Variants in DEK observed in about 807,000 individuals in gnomAD.
The protein encoded by DEK is protein DEK.
In DEK, 28 loss-of-function variants were observed where a neutral mutation model predicts 46.8. The observed-to-expected ratio is 0.60, with a 90% confidence interval of 0.44 to 0.82. DEK has a LOEUF of 0.82. DEK is among the 40% of genes least tolerant of loss of function. The pLI is 0.00. For missense variants in DEK, 416 were observed against 430.6 expected (o/e 0.97, Z 0.30); for synonymous variants, 160 against 144.5 (o/e 1.11, Z -0.77).
intron 9 of DEK, among the ~76,000 whole-genome samples, chr6:18,230,590 A>G (rs565538572): frequency 1.6e-3 from 248 of 152,324 alleles, no homozygotes; most frequent in Middle Eastern, 6.8e-3. Context: ...AGTCTCTGAT[A>G]AAACAGACTT....
intron 7 of DEK, among the ~76,000 whole-genome samples, chr6:18,241,588 G>GC (rs1790897054): frequency 6.6e-6 from 1 of 152,084 alleles, no homozygotes; most frequent in Admixed American, 6.5e-5. Context: ...TGATTCCTGA[G>GC]CACCTGTATA....
chr6:18,237,629 G>T, intron 7 of DEK, 113 bp from the exon 8 acceptor site: 1 of 1,328,030 alleles, frequency 7.5e-7, no homozygotes, highest in East Asian at 2.6e-5. Flanking sequence ...CAATATATTT[G>T]GTATCAGCAA....
chr6:18,250,423 C>T (rs1017962876), intron 6 of DEK, among the ~76,000 whole-genome samples: 17 of 152,056 alleles, frequency 1.1e-4, no homozygotes, highest in Admixed American at 5.9e-4. Context: ...GAGCCGAGAT[C>T]GCGCCACTGC....
chr6:18,227,499 C>T (rs1181343386), intron 9 of DEK, among the ~76,000 whole-genome samples: 1 of 152,164 alleles, frequency 6.6e-6, no homozygotes, highest in Non-Finnish European at 1.5e-5. Flanking sequence ...GCCACATCCC[C>T]CTCTCCGAGA....
chr6:18,226,227 G>C lies in DEK; in HGVS notation c.1063C>G (p.Pro355Ala). ...QICKKVYENYPTYDLTERKDF... is the reference protein window; with the variant it reads ...QICKKVYENYATYDLTERKDF... ...TTTCTTTCAGTTAAATCATAAGTAGGATAATTTTCATAGACCTATGTATAG... is the reference window on the plus strand; with the variant it reads ...TTTCTTTCAGTTAAATCATAAGTAGCATAATTTTCATAGACCTATGTATAG... The change falls in exon 10 of 11, where the codon CCT becomes GCT. Residue 355 changes from proline (P) to alanine (A), a missense_variant. Pro to Ala is a conservative substitution (Grantham distance 27). Coordinates refer to ENST00000652689, the MANE Select transcript of DEK (RefSeq NM_003472.4). 2 of 1,347,750 alleles carry C rather than the reference G, an allele frequency of 1.5e-6. No homozygotes were observed. The highest frequency in any genetic ancestry group is 2.0e-6 in the Non-Finnish European group (2 of 1,009,994). The allele number at this position is 1,347,750 out of a possible 1,614,324, so 83.5% of individuals were successfully genotyped here.
intron 6 of DEK, among the ~76,000 whole-genome samples, chr6:18,254,068 C>A (rs936446744): frequency 6.6e-6 from 1 of 152,112 alleles, no homozygotes. Context: ...CGGTAGCTCA[C>A]GCCTGTAATC....
At chr6:18,261,455 CCAG>C (rs1475396769) in intron 2 of DEK, among the ~76,000 whole-genome samples, 1 of 152,126 alleles carries the variant, frequency 6.6e-6, no homozygotes, top group African/African-American at 2.4e-5. Flanking sequence ...GCCTGTAATC[CCAG>C]CTACTCGAGA....
intron 2 of DEK, among the ~76,000 whole-genome samples, chr6:18,261,295 G>A (rs763618669): frequency 7.9e-5 from 12 of 152,254 alleles, no homozygotes; most frequent in Middle Eastern, 3.4e-3. Flanking sequence ...CTTGTAGGCC[G>A]GGCGCAGTGG....
intron 7 of DEK, among the ~76,000 whole-genome samples, chr6:18,246,114 G>A (rs1420343833): frequency 6.6e-6 from 1 of 152,182 alleles, no homozygotes; most frequent in Non-Finnish European, 1.5e-5. Context: ...CGTGAGAAAG[G>A]ACTAATACAC....
intron 9 of DEK, among the ~76,000 whole-genome samples, chr6:18,231,499 A>G (rs2151078171): frequency 6.6e-6 from 1 of 152,286 alleles, no homozygotes; most frequent in East Asian, 1.9e-4. Flanking sequence ...AGAGAGAAGA[A>G]TCAAACAGAC....
At chr6:18,256,826 ATTC>A (rs1331894059) in intron 4 of DEK, among the ~76,000 whole-genome samples, 2 of 152,204 alleles carry the variant, frequency 1.3e-5, no homozygotes, top group African/African-American at 2.4e-5. Context: ...GTTACTAGTA[ATTC>A]TTCTTTTCCA....
intron 9 of DEK, among the ~76,000 whole-genome samples, chr6:18,229,752 T>C (rs1179485619): frequency 1.3e-5 from 2 of 152,150 alleles, no homozygotes; most frequent in Non-Finnish European, 2.9e-5. Context: ...CTACATCTGA[T>C]TGGTGTACCT....
At chr6:18,228,149 T>C (rs1022202096) in intron 9 of DEK, among the ~76,000 whole-genome samples, 1 of 152,200 alleles carries the variant, frequency 6.6e-6, no homozygotes, top group Non-Finnish European at 1.5e-5. Flanking sequence ...GGCTAGATGG[T>C]ACAAATAGTT....
In DEK at chr6:18,225,695, G is replaced by A. The variant is rs763685943; in HGVS notation, c.*24C>T. On this transcript the variant is annotated 3_prime_UTR_variant, in exon 11 of 11. Transcript: ENST00000652689. The stretch of plus-strand genomic sequence containing the variant: ...ATCAGATCTTCAAATCTATGGGAAC[G>A]AGTCATCTTCTCTGTCCTCTATCTC... 3.7e-6 allele frequency: 6 copies of A among 1,610,558 alleles called. No individual in the cohort carries two copies. The highest frequency in any genetic ancestry group is 3.3e-5 in the South Asian group (3 of 90,686).
intron 7 of DEK, among the ~76,000 whole-genome samples, chr6:18,247,031 G>C (rs1224336727): frequency 6.6e-6 from 1 of 152,150 alleles, no homozygotes; most frequent in African/African-American, 2.4e-5. Flanking sequence ...TCTTAGAAAA[G>C]AGGTCCTTCC....
At chr6:18,239,661 C>T (rs990365201) in intron 7 of DEK, among the ~76,000 whole-genome samples, 2 of 152,086 alleles carry the variant, frequency 1.3e-5, no homozygotes, top group African/African-American at 4.8e-5. Flanking sequence ...CATGAATTTC[C>T]CATGGACTTT....
At chr6:18,237,553 A>G in intron 7 of DEK, 37 bp from the exon 8 acceptor site, 1 of 1,581,792 alleles carries the variant, frequency 6.3e-7, no homozygotes, top group Non-Finnish European at 8.6e-7. Context: ...CATATTGATG[A>G]GATTCAATGC....
chr6:18,239,705 A>C (rs2151083324), intron 7 of DEK, among the ~76,000 whole-genome samples: 1 of 152,204 alleles, frequency 6.6e-6, no homozygotes, highest in East Asian at 1.9e-4. Flanking sequence ...TTACTTCCTA[A>C]TCCTAAGAGA....
intron 2 of DEK, among the ~76,000 whole-genome samples, chr6:18,258,686 T>C (rs1018796655): frequency 1.1e-4 from 16 of 152,328 alleles, no homozygotes; most frequent in East Asian, 3.9e-4. Flanking sequence ...ACTAAAATTA[T>C]TGCCATTACA....
Sources: gnomAD v4.1 joint callset for allele counts (sites outside exome capture counted in the v4.1 genomes callset) on GRCh38, gnomAD v4.1.1 for gene constraint, MANE v1.5 for transcripts, NCBI Gene and HGNC (gene_info 2026-07-23, HGNC 2026-07-21) for gene names.